The following ZNF483 variants were observed in gnomAD, a reference collection of about 807,000 sequenced individuals.
ZNF483 encodes the protein zinc finger protein HIT-10.
In ZNF483, 9 loss-of-function variants were observed where a neutral mutation model predicts 28.6. That is an observed-to-expected ratio of 0.32 (90% CI 0.19 to 0.55). The LOEUF (loss-of-function observed/expected upper bound fraction) is 0.55. Ranked by LOEUF, ZNF483 falls within the 20% of genes least tolerant of loss-of-function variation. The pLI is 0.93. For missense variants in ZNF483, 675 were observed against 871.7 expected (o/e 0.77, Z 2.84); for synonymous variants, 322 against 306.2 (o/e 1.05, Z -0.54).
Position 111,549,845 on chromosome 9 carries a change from C to T in ZNF483, c.*6675C>T. ...TTTAGCTCTTTGAGCATCTTTAAGG[C>T]AGTTGCTTTAAAGTCTGTCTAGTGA... On this transcript the variant is annotated 3_prime_UTR_variant, in exon 6 of 6. Transcript: ENST00000309235. The T allele has an allele frequency of 7.8e-7, 1 of 1,275,592 alleles. No homozygotes were observed. The highest frequency in any genetic ancestry group is 1.1e-6 in the Non-Finnish European group (1 of 902,330). 79.0% of individuals were successfully genotyped at this position (1,275,592 alleles called of 1,614,324 possible).
At chr9:111,539,044 C>T (rs1254859069) in intron 5 of ZNF483, among the ~76,000 whole-genome samples, 2 of 131,726 alleles carry the variant, frequency 1.5e-5, no homozygotes, top group Admixed American at 9.1e-5. Flanking sequence ...ACCCGGGAGG[C>T]GGAGCTTGCA....
rs1828019083 is a variant in ZNF483, at chr9:111,553,110, TACAC to T, written c.*9941_*9944del. On this transcript the variant is annotated 3_prime_UTR_variant, in exon 6 of 6. Coordinates refer to ENST00000309235, the MANE Select transcript of ZNF483 (RefSeq NM_133464.5). Reference sequence around the variant, plus strand: ...TAATTTTGTGTATTCTTTTTTGACTTACACTCACTAAATGGTTGCTAAAAATTAC... The same window carrying T: ...TAATTTTGTGTATTCTTTTTTGACTTTCACTAAATGGTTGCTAAAAATTAC... Among the ~76,000 whole-genome samples, 1 of 152,228 alleles carries T rather than the reference TACAC, an allele frequency of 6.6e-6. No homozygotes were observed. Among genetic ancestry groups the T allele is most frequent in the Non-Finnish European group, 1.5e-5 (1 of 68,030 alleles).
chr9:111,577,842 C>T (rs1472835040), exon 6 of ZNF483: 1 of 151,908 alleles, frequency 6.6e-6, no homozygotes, highest in East Asian at 1.9e-4. Context: ...GAGATCCTGT[C>T]TCAAAAAACA....
chr9:111,546,789 C>T lies in ZNF483; in HGVS notation c.*3619C>T, dbSNP rs992206939. Among the ~76,000 whole-genome samples the T allele has an allele frequency of 3.7e-4, 56 of 152,268 alleles. No individual in the cohort carries two copies. The highest frequency in any genetic ancestry group is 1.3e-3 in the African/African-American group (53 of 41,564). On this transcript the variant is annotated 3_prime_UTR_variant, in exon 6 of 6. Transcript: ENST00000309235. ...TCATCACCACTATCCATCTCCAGAA[C>T]TTTTTCATCATCCCAAACTGAAACT...
intron 5 of ZNF483, chr9:111,564,277 T>A: frequency 2.1e-6 from 1 of 485,732 alleles, no homozygotes; most frequent in Non-Finnish European, 2.8e-6. Context: ...AATTTAAACT[T>A]TTATTATTAT....
At chr9:111,540,622 A>G (rs1827649336) in intron 5 of ZNF483, among the ~76,000 whole-genome samples, 2 of 152,174 alleles carry the variant, frequency 1.3e-5, no homozygotes, top group Non-Finnish European at 2.9e-5. Flanking sequence ...TGTAGGAGAG[A>G]CTTAAAATGG....
chr9:111,527,963 G>A, intron 2 of ZNF483, 156 bp downstream of exon 2: 6 of 1,526,532 alleles, frequency 3.9e-6, no homozygotes, highest in Non-Finnish European at 5.3e-6. Flanking sequence ...TGTGATTTTG[G>A]GCAAGCTGTG....
At position 111,545,271 on chromosome 9, in the gene ZNF483, T is replaced by C. The variant is rs1331387479; in HGVS notation, c.*2101T>C. Among the ~76,000 whole-genome samples, 1 of 152,204 alleles carries C rather than the reference T, an allele frequency of 6.6e-6. No individual in the cohort carries two copies. Among genetic ancestry groups the C allele is most frequent in the Non-Finnish European group, 1.5e-5 (1 of 68,026 alleles). ...TGTAAGTTTTGTTTTCTGAAAAATA[T>C]AATTTATAGAAAGTTGAAGAAATAA... On this transcript the variant is annotated 3_prime_UTR_variant, in exon 6 of 6. Transcript: ENST00000309235.
chr9:111,543,405 G>C lies in ZNF483; in HGVS notation c.*235G>C. ...AGAATGCAAAATGATTCTGAGGCCA[G>C]ACGAATTGGAAAAGCTCTTTTCTTC... is the stretch of plus-strand genomic sequence containing the variant. On this transcript the variant is annotated 3_prime_UTR_variant, in exon 6 of 6. Transcript: ENST00000309235. 1 of 1,265,436 alleles carries C rather than the reference G, an allele frequency of 7.9e-7. No individual in the cohort carries two copies. Among genetic ancestry groups the C allele is most frequent in the Non-Finnish European group, 9.9e-7 (1 of 1,005,108 alleles). The allele number at this position is 1,265,436 out of a possible 1,614,324, so 78.4% of individuals were successfully genotyped here. A position where few individuals can be genotyped will look rare whatever the true frequency, so the allele number is the denominator to read the frequency against.
intron 5 of ZNF483, 105 bp from the exon 6 acceptor site, chr9:111,541,552 G>T (rs75822146): frequency 1.2e-6 from 1 of 846,504 alleles, no homozygotes; most frequent in Non-Finnish European, 1.7e-6. Flanking sequence ...GAGAACCATC[G>T]AAACTATATT....
intron 5 of ZNF483, chr9:111,539,677 C>T (rs1244649231): frequency 4.6e-6 from 1 of 216,118 alleles, no homozygotes; most frequent in South Asian, 5.6e-5. Flanking sequence ...GCAGGAGAAT[C>T]GCTTGAACCT....
chr9:111,559,226 C>T (rs992334022), downstream of ZNF483, among the ~76,000 whole-genome samples: 2 of 152,148 alleles, frequency 1.3e-5, no homozygotes, highest in Non-Finnish European at 2.9e-5. Context: ...CTAGGGATCA[C>T]ATACTTCACA....
chr9:111,533,233 C>T (rs1458439260), intron 3 of ZNF483, among the ~76,000 whole-genome samples: 1 of 152,146 alleles, frequency 6.6e-6, no homozygotes, highest in East Asian at 1.9e-4. Flanking sequence ...CCAGATAATT[C>T]TTGTACAGTA....
intron 4 of ZNF483, among the ~76,000 whole-genome samples, 177 bp from the exon 5 acceptor site, chr9:111,534,084 T>G (rs1368276114): frequency 6.6e-6 from 1 of 152,232 alleles, no homozygotes; most frequent in African/African-American, 2.4e-5. Flanking sequence ...GAAGCATCAT[T>G]TTGATTTCAT....
chr9:111,567,314 A>G (rs1415130999), intron 5 of ZNF483, among the ~76,000 whole-genome samples: 1 of 152,076 alleles, frequency 6.6e-6, no homozygotes, highest in African/African-American at 2.4e-5. Context: ...CAGCCTCCCA[A>G]GTAGCTGGGA....
intron 5 of ZNF483, among the ~76,000 whole-genome samples, chr9:111,567,351 C>T (rs898886937): frequency 6.6e-6 from 1 of 152,126 alleles, no homozygotes; most frequent in Non-Finnish European, 1.5e-5. Context: ...CCATGCCCAG[C>T]TAATTTTTGT....
intron 2 of ZNF483, chr9:111,528,047 TG>T: frequency 7.0e-7 from 1 of 1,427,496 alleles, no homozygotes; most frequent in Non-Finnish European, 9.2e-7. Flanking sequence ...CTTGTAAAGG[TG>T]AGACAAGATA....
Position 111,551,400 on chromosome 9 carries a change from G to GTT in ZNF483, c.*8254_*8255dup, listed in dbSNP as rs58638722. On this transcript the variant is annotated 3_prime_UTR_variant, in exon 6 of 6. Transcript: ENST00000309235. ...TAACTGAATCAAGTATCCAGTTTTTGTTTTTTTTTTTTTTTTTTTTTTTTT... is the reference window on the plus strand; with the variant it reads ...TAACTGAATCAAGTATCCAGTTTTTGTTTTTTTTTTTTTTTTTTTTTTTTTTT... 7.6e-3 allele frequency among the ~76,000 whole-genome samples: 569 copies of GTT among 74,450 alleles called. 4 individuals are homozygous for GTT. Among genetic ancestry groups the GTT allele is most frequent in the Middle Eastern group, 0.016 (1 of 64 alleles). The allele number at this position is 74,450 out of a possible 152,430, so 48.8% of individuals were successfully genotyped here.
At chr9:111,563,519 T>G in intron 5 of ZNF483, 1 of 216,802 alleles carries the variant, frequency 4.6e-6, no homozygotes, top group Non-Finnish European at 9.1e-6. Context: ...CTTTTTTTTT[T>G]TTTTGAGACA....
Sources: allele counts gnomAD v4.1 joint callset (sites outside exome capture counted in the v4.1 genomes callset), GRCh38; gene constraint gnomAD v4.1.1; transcripts MANE v1.5; gene names NCBI Gene and HGNC (gene_info 2026-07-23, HGNC 2026-07-21).